The following CARD14 variants were observed in gnomAD, a reference collection of about 807,000 sequenced individuals.
The protein encoded by CARD14 is caspase recruitment domain family member 14.
CARD14 carries 107 observed loss-of-function variants against 111.5 expected under a neutral mutation model. That is an observed-to-expected ratio of 0.96 (90% CI 0.82 to 1.13). The LOEUF is 1.13. Ranked by LOEUF, CARD14 falls within the 50% of genes most tolerant of loss-of-function variation. The pLI is 0.00. For missense variants in CARD14, 1,322 were observed against 1,362.3 expected (o/e 0.97, Z 0.47); for synonymous variants, 617 against 579.6 (o/e 1.06, Z -0.93).
In CARD14 at chr17:80,195,739, C is replaced by T; in HGVS notation, c.1594+87C>T. 1 of 1,109,226 alleles carries T rather than the reference C, an allele frequency of 9.0e-7. No individual in the cohort carries two copies. The highest frequency in any genetic ancestry group is 1.3e-6 in the Non-Finnish European group (1 of 762,474). The allele number at this position is 1,109,226 out of a possible 1,614,324, so 68.7% of individuals were successfully genotyped here. On this transcript the variant is annotated intron_variant, in intron 14 of 23. Coordinates refer to ENST00000648509, the MANE Select transcript of CARD14 (RefSeq NM_001366385.1). This position sits in a 1 kb window ranked among gnomAD's most constrained non-coding sequence, Gnocchi z 4.7. Reference sequence around the variant, plus strand: ...TGATGAGAAAGCCGGGGCCTCTCTCCAGGGAAAGGGCAGATAGAAGCAGAG... The same window carrying T: ...TGATGAGAAAGCCGGGGCCTCTCTCTAGGGAAAGGGCAGATAGAAGCAGAG...
In CARD14 at chr17:80,189,599, TTCCGTGGCTTC is replaced by T. The variant is rs2040451556; in HGVS notation, c.844-151_844-141del. Among the ~76,000 whole-genome samples, 1 of 152,180 alleles carries T rather than the reference TTCCGTGGCTTC, an allele frequency of 6.6e-6. No homozygotes were observed. Among genetic ancestry groups the T allele is most frequent in the South Asian group, 2.1e-4 (1 of 4,830 alleles). ...TTTTCCCAGGCATGATGGGTGGCTT[TTCCGTGGCTTC>T]TCTCCTGCCCGGTGTAGAGTGGCAA... On this transcript the variant is annotated intron_variant, in intron 8 of 23. Coordinates refer to ENST00000648509, the MANE Select transcript of CARD14 (RefSeq NM_001366385.1). This position sits in a 1 kb window ranked among gnomAD's most constrained non-coding sequence, Gnocchi z 4.7.
In CARD14 at chr17:80,207,095, C is replaced by G. The variant is rs368700533; in HGVS notation, c.2807+10C>G. On this transcript the variant is annotated intron_variant, in intron 23 of 23. Transcript: ENST00000648509. ...TGGCAAAGAAGCTCAAGTAGGTGCA[C>G]GCTGGGGGCTGGGCAGGGGCTTCGA... 9.4e-6 allele frequency: 15 copies of G among 1,600,356 alleles called. No individual in the cohort carries two copies. Among genetic ancestry groups the G allele is most frequent in the Non-Finnish European group, 1.3e-5 (15 of 1,168,220 alleles).
At chr17:80,177,461 C>T (rs1048046443) in intron 2 of CARD14, among the ~76,000 whole-genome samples, 20 of 152,038 alleles carry the variant, frequency 1.3e-4, no homozygotes, top group African/African-American at 4.8e-4. Flanking sequence ...TTTGGGAGGC[C>T]GAGGCAGGCG....
intron 23 of CARD14, among the ~76,000 whole-genome samples, chr17:80,207,321 T>C (rs1353212501): frequency 2.0e-5 from 3 of 152,146 alleles, no homozygotes; most frequent in South Asian, 2.1e-4. Flanking sequence ...GAGGCCAGGG[T>C]GGGCAGATTG....
At chr17:80,173,324 A>ACACACACG (rs759487245) in intron 2 of CARD14, 96 bp downstream of exon 2, 1 of 112,026 alleles carries the variant, frequency 8.9e-6, no homozygotes, top group Non-Finnish European at 2.0e-5. Flanking sequence ...ACACACACAC[A>ACACACACG]CGCGCGCGCG....
At position 80,198,537 on chromosome 17, in the gene CARD14, C is replaced by T. The variant is rs530338890; in HGVS notation, c.1797C>T (p.Thr599=). The stretch of plus-strand genomic sequence containing the variant: ...CGGGCATCTTCATCCACCGGGTCAC[C>T]CCGGGCTCGGCGGCGGACCAGATGG... ...NLTGIFIHRV[T]PGSAADQMAL... Residue 599 remains threonine (T), a synonymous_variant, in exon 16 of 24, where the codon ACC becomes ACT. Coordinates refer to ENST00000648509, the MANE Select transcript of CARD14 (RefSeq NM_001366385.1). This position sits in a 1 kb window ranked among gnomAD's most constrained non-coding sequence, Gnocchi z 7.5. 1.2e-6 allele frequency: 2 copies of T among 1,613,134 alleles called. No homozygotes were observed. The highest frequency in any genetic ancestry group is 1.7e-6 in the Non-Finnish European group (2 of 1,179,916).
intron 11 of CARD14, 144 bp from the exon 12 acceptor site, chr17:80,192,359 G>T: frequency 1.5e-6 from 1 of 648,784 alleles, no homozygotes; most frequent in South Asian, 2.0e-5. Flanking sequence ...CGGAGGACAG[G>T]GACACAATTG....
rs141913003 is a variant in CARD14, at chr17:80,204,278, G to A, written c.2335G>A (p.Ala779Thr). ...KLVRIVSMDKAKASPLRLSFD... is the reference protein window; with the variant it reads ...KLVRIVSMDKTKASPLRLSFD... ...GGTCCGCATCGTCAGTATGGACAAAGCCAAGGCCAGCCCTCTGCGTTTGTC... is the reference window on the plus strand; with the variant it reads ...GGTCCGCATCGTCAGTATGGACAAAACCAAGGCCAGCCCTCTGCGTTTGTC... The change falls in exon 20 of 24, where the codon GCC becomes ACC. Residue 779 changes from alanine (A) to threonine (T), a missense_variant. Ala to Thr is a moderately conservative substitution (Grantham distance 58, BLOSUM62 0). Coordinates refer to ENST00000648509, the MANE Select transcript of CARD14 (RefSeq NM_001366385.1). The A allele has an allele frequency of 3.7e-4, 596 of 1,601,484 alleles. 2 individuals are homozygous for A. The African/African-American group carries it at 6.6e-3, about 18-fold the overall frequency.
In CARD14 at chr17:80,195,648, G is replaced by C. The variant is rs138100360; in HGVS notation, c.1590G>C (p.Thr530=). The part of the protein sequence containing the change: ...DPHLDYELLD[T]ADLPQLESSL... Reference sequence around the variant, plus strand: ...ACCTGGATTATGAGCTCCTAGACACGGCAGGTGAGCACGCCCAACCCTGAA... The same window carrying C: ...ACCTGGATTATGAGCTCCTAGACACCGCAGGTGAGCACGCCCAACCCTGAA... Residue 530 remains threonine, a synonymous_variant, in exon 14 of 24, where the codon ACG becomes ACC. Transcript: ENST00000648509. This position sits in a 1 kb window ranked among gnomAD's most constrained non-coding sequence, Gnocchi z 4.7. The C allele has an allele frequency of 3.1e-5, 50 of 1,611,910 alleles. No individual in the cohort carries two copies. The highest frequency in any genetic ancestry group is 3.7e-5 in the Non-Finnish European group (44 of 1,179,160).
chr17:80,207,133 G>C lies in CARD14; in HGVS notation c.2807+48G>C, dbSNP rs754524714. The stretch of plus-strand genomic sequence containing the variant: ...GCAGGGGCTTCGAAGCGGCTCCTGG[G>C]CTCCCCCAAAGCCCACGGCAGGTGC... On this transcript the variant is annotated intron_variant, in intron 23 of 23. Transcript: ENST00000648509. 3.5e-6 allele frequency: 5 copies of C among 1,419,292 alleles called. No homozygotes were observed. In the Admixed American group the frequency reaches 8.5e-5, roughly 24 times the overall value. The allele number at this position is 1,419,292 out of a possible 1,614,324, so 87.9% of individuals were successfully genotyped here.
intron 16 of CARD14, among the ~76,000 whole-genome samples, chr17:80,199,366 C>A (rs1431790497): frequency 6.6e-6 from 1 of 151,138 alleles, no homozygotes; most frequent in Non-Finnish European, 1.5e-5. Context: ...TGGGCGCCTG[C>A]ATGGTCAGGG....
chr17:80,203,709 G>T lies in CARD14; in HGVS notation c.2220-113G>T. Reference sequence around the variant, plus strand: ...AAAGGGATGTGTGGAGCTCTAGGTGGAGGCCCTTCTCTCCCACCCGGCCAT... The same window carrying T: ...AAAGGGATGTGTGGAGCTCTAGGTGTAGGCCCTTCTCTCCCACCCGGCCAT... On this transcript the variant is annotated intron_variant, in intron 18 of 23. Transcript: ENST00000648509. This position sits in a 1 kb window ranked among gnomAD's most constrained non-coding sequence, Gnocchi z 4.6. The T allele has an allele frequency of 2.9e-6, 2 of 700,954 alleles. No individual in the cohort carries two copies. The highest frequency in any genetic ancestry group is 3.6e-5 in the South Asian group (2 of 55,522). 43.4% of individuals were successfully genotyped at this position (700,954 alleles called of 1,614,324 possible). A position where few individuals can be genotyped will look rare whatever the true frequency, so the allele number is the denominator to read the frequency against.
intron 21 of CARD14, 137 bp downstream of exon 21, chr17:80,205,342 C>A: frequency 8.7e-7 from 1 of 1,151,916 alleles, no homozygotes. Context: ...CCTGCTGTGT[C>A]CAGATAGTTC....
chr17:80,198,464 AG>A lies in CARD14; in HGVS notation c.1729del (p.Asp577MetfsTer40). On this transcript the variant is annotated frameshift_variant, in exon 16 of 24. Transcript: ENST00000648509. LOFTEE classifies it high-confidence loss of function. The surrounding 1 kb of genome is among the most constrained non-coding windows in gnomAD (Gnocchi z 7.5). ...AGCCAGGTCACCATGCTGGCGTTCC[AG>A]GGGGATGCATTGCTGGAGCAGATCA... is the stretch of plus-strand genomic sequence containing the variant. ...ILSQVTMLAFQGDALLEQISV... is the reference protein window; with the variant it reads ...ILSQVTMLAFXGDALLEQISV... 6.2e-7 allele frequency: 1 copy of A among 1,612,700 alleles called. No homozygotes were observed.
Position 80,195,827 on chromosome 17 carries a change from G to A in CARD14, c.1594+175G>A. The A allele has an allele frequency of 1.7e-6, 1 of 601,720 alleles. No homozygotes were observed. The allele number at this position is 601,720 out of a possible 1,614,324, so 37.3% of individuals were successfully genotyped here. On this transcript the variant is annotated intron_variant, in intron 14 of 23. Coordinates refer to ENST00000648509, the MANE Select transcript of CARD14 (RefSeq NM_001366385.1). This position sits in a 1 kb window ranked among gnomAD's most constrained non-coding sequence, Gnocchi z 4.7. ...CTTGCACTTTGGGAAAGTCCCGCCTGCCAGCCAGCGTAAGCCAAAGGCCGG... is the reference window on the plus strand; with the variant it reads ...CTTGCACTTTGGGAAAGTCCCGCCTACCAGCCAGCGTAAGCCAAAGGCCGG...
Position 80,203,706 on chromosome 17 carries a change from G to A in CARD14, c.2220-116G>A. On this transcript the variant is annotated intron_variant, in intron 18 of 23. Coordinates refer to ENST00000648509, the MANE Select transcript of CARD14 (RefSeq NM_001366385.1). The surrounding 1 kb of genome is among the most constrained non-coding windows in gnomAD (Gnocchi z 4.6). ...AGCAAAGGGATGTGTGGAGCTCTAG[G>A]TGGAGGCCCTTCTCTCCCACCCGGC... 1.4e-6 allele frequency: 1 copy of A among 709,918 alleles called. No homozygotes were observed. The highest frequency in any genetic ancestry group is 2.4e-6 in the Non-Finnish European group (1 of 411,074). The allele number at this position is 709,918 out of a possible 1,614,324, so 44.0% of individuals were successfully genotyped here.
rs771829403 is a variant in CARD14 at position 80,198,701 on chromosome 17, T to C, written c.1851+110T>C. On this transcript the variant is annotated intron_variant, in intron 16 of 23. Transcript: ENST00000648509. This position sits in a 1 kb window ranked among gnomAD's most constrained non-coding sequence, Gnocchi z 7.5. ...TCCCCCAGACGATGCAGATCCACTC[T>C]GGGCTGGGCCTCTGCTCTTTCCTGG... The C allele has an allele frequency of 1.3e-6, 2 of 1,597,056 alleles. No individual in the cohort carries two copies. The highest frequency in any genetic ancestry group is 2.7e-5 in the African/African-American group (2 of 74,820).
chr17:80,176,933 A>T (rs1598625826), intron 2 of CARD14, among the ~76,000 whole-genome samples: 1 of 152,174 alleles, frequency 6.6e-6, no homozygotes, highest in Non-Finnish European at 1.5e-5. Context: ...CAATTTCCAC[A>T]TCGCCTTTGC....
rs1054709429 is a variant in CARD14, at chr17:80,189,093, C to T, written c.843+549C>T. On this transcript the variant is annotated intron_variant, in intron 8 of 23. Coordinates refer to ENST00000648509, the MANE Select transcript of CARD14 (RefSeq NM_001366385.1). This position sits in a 1 kb window ranked among gnomAD's most constrained non-coding sequence, Gnocchi z 4.7. ...GCCGCTGGAGGTGCATCACAATGCC[C>T]GACTTGGTGGGTTTACTGCAGCGAC... is the stretch of plus-strand genomic sequence containing the variant. 3.3e-5 allele frequency among the ~76,000 whole-genome samples: 5 copies of T among 152,048 alleles called. No individual in the cohort carries two copies. Among genetic ancestry groups the T allele is most frequent in the African/African-American group, 7.2e-5 (3 of 41,398 alleles).
Sources: gnomAD v4.1 joint callset for allele counts (sites outside exome capture counted in the v4.1 genomes callset) on GRCh38, gnomAD v4.1.1 for gene constraint, Gnocchi (gnomAD v3.1) non-coding constraint, MANE v1.5 for transcripts, NCBI Gene and HGNC (gene_info 2026-07-23, HGNC 2026-07-21) for gene names.